The following PCSK9 variants were observed in gnomAD, a reference collection of about 807,000 sequenced individuals.
The protein encoded by PCSK9 is convertase subtilisin/kexin type 9 preproprotein.
In PCSK9, 57 loss-of-function variants were observed where a neutral mutation model predicts 62.1. The ratio of observed to expected loss-of-function variants is 0.92; its 90% CI spans 0.74 to 1.14. PCSK9 has a LOEUF of 1.14. Among genes scored for constraint, PCSK9 ranks in the 50% most tolerant of loss-of-function variants. The pLI, the probability that PCSK9 is intolerant of heterozygous loss-of-function variation, is 0.00. For missense variants in PCSK9, 870 were observed against 959.8 expected, an observed-to-expected ratio of 0.91 and a Z score of 1.24; for synonymous variants, 387 against 409.4, an observed-to-expected ratio of 0.95 and a Z score of 0.66.
At chr1:55,060,997 G>A (rs1054168985) in intron 10 of PCSK9, among the ~76,000 whole-genome samples, 9 of 152,224 alleles carry the variant, frequency 5.9e-5, no homozygotes, top group Non-Finnish European at 1.2e-4. Context: ...TTCTGAGGTG[G>A]TTCAGACAGA....
At chr1:55,055,014 A>G (rs902488115) in intron 5 of PCSK9, among the ~76,000 whole-genome samples, 9 of 152,078 alleles carry the variant, frequency 5.9e-5, no homozygotes, top group East Asian at 1.9e-4. Context: ...GGAAAGAAAA[A>G]AAAAAAAAAG....
At chr1:55,042,103 C>T (rs12032266) in intron 1 of PCSK9, among the ~76,000 whole-genome samples, 60 of 152,166 alleles carry the variant, frequency 3.9e-4, no homozygotes, top group African/African-American at 1.3e-3. Flanking sequence ...CCTGCCACCA[C>T]GCCCGGCTAA....
chr1:55,045,019 G>T (rs1644623729), intron 2 of PCSK9, among the ~76,000 whole-genome samples: 1 of 152,198 alleles, frequency 6.6e-6, no homozygotes, highest in East Asian at 1.9e-4. Context: ...ACTGTGTGCT[G>T]CAGAGGCGAA....
chr1:55,062,271 C>T (rs1355516914), intron 11 of PCSK9, among the ~76,000 whole-genome samples: 3 of 152,244 alleles, frequency 2.0e-5, no homozygotes, highest in Non-Finnish European at 4.4e-5. Context: ...GGAGTCCACT[C>T]TTAAATGAAC....
At chr1:55,051,194 T>C in intron 3 of PCSK9, 1 of 456,240 alleles carries the variant, frequency 2.2e-6, no homozygotes, top group Non-Finnish European at 4.4e-6. Flanking sequence ...CTCTGCAGCA[T>C]ATTTGGAGGA....
chr1:55,058,684 T>C lies in PCSK9; in HGVS notation c.1503+37T>C, dbSNP rs781641312. 3.1e-4 allele frequency: 314 copies of C among 1,024,152 alleles called. 1 individual carries two copies. In the African/African-American group the frequency reaches 5.4e-3, roughly 18 times the overall value. 63.4% of individuals were successfully genotyped at this position (1,024,152 alleles called of 1,614,324 possible). Reference sequence around the variant, plus strand: ...CCTCCTTCGTGTGTGTGTGTGTGTGTGTGTGTGTGTGTGTGTGTGTGTGTG... The same window carrying C: ...CCTCCTTCGTGTGTGTGTGTGTGTGCGTGTGTGTGTGTGTGTGTGTGTGTG... On this transcript the variant is annotated intron_variant, in intron 9 of 11. Coordinates refer to ENST00000302118, the MANE Select transcript of PCSK9 (RefSeq NM_174936.4).
At chr1:55,046,351 C>T (rs924676433) in intron 2 of PCSK9, among the ~76,000 whole-genome samples, 172 bp from the exon 3 acceptor site, 2 of 152,132 alleles carry the variant, frequency 1.3e-5, no homozygotes, top group Admixed American at 6.5e-5. Flanking sequence ...GATCAAGGAG[C>T]GAGAAAACTC....
intron 10 of PCSK9, among the ~76,000 whole-genome samples, chr1:55,061,111 C>G (rs1448990756): frequency 6.6e-6 from 1 of 152,184 alleles, no homozygotes; most frequent in African/African-American, 2.4e-5. Flanking sequence ...GTCTCCATCT[C>G]TGGGTGGAAA....
At position 55,057,476 on chromosome 1, in the gene PCSK9, C is replaced by T; in HGVS notation, c.1142C>T (p.Ser381Leu). The T allele has an allele frequency of 6.2e-7, 1 of 1,613,762 alleles. No individual in the cohort carries two copies. Among genetic ancestry groups the T allele is most frequent in the Admixed American group, 1.7e-5 (1 of 60,014 alleles). The change falls in exon 7 of 12, where the codon TCA becomes TTA. Residue 381 changes from serine (S) to leucine (L), a missense_variant. Transcript: ENST00000302118. ...AGCGACTGCAGCACCTGCTTTGTGT[C>T]ACAGAGTGGGACATCACAGGCTGCT... ...ASSDCSTCFV[S>L]QSGTSQAAAH...
At chr1:55,048,510 G>A (rs773604584) in intron 3 of PCSK9, among the ~76,000 whole-genome samples, 6 of 152,176 alleles carry the variant, frequency 3.9e-5, no homozygotes, top group African/African-American at 7.2e-5. Context: ...TCCCCCGAGT[G>A]TCTGTGGGAG....
chr1:55,057,525 A>T lies in PCSK9; in HGVS notation c.1180+11A>T. 6.2e-7 allele frequency: 1 copy of T among 1,604,860 alleles called. No homozygotes were observed. The highest frequency in any genetic ancestry group is 8.5e-7 in the Non-Finnish European group (1 of 1,176,600). On this transcript the variant is annotated intron_variant, in intron 7 of 11. Transcript: ENST00000302118. ...CTGCCCACGTGGCTGGTAAGTCACC[A>T]CCCCACTGCCTCGGCCACCGTGATG...
In PCSK9 at chr1:55,059,513, G is replaced by C. The variant is rs866944660; in HGVS notation, c.1531G>C (p.Ala511Pro). The change falls in exon 10 of 12, where the codon GCC becomes CCC. Residue 511 changes from alanine (A) to proline (P), a missense_variant. Ala to Pro is a conservative substitution (Grantham distance 27). Coordinates refer to ENST00000302118, the MANE Select transcript of PCSK9 (RefSeq NM_174936.4). The part of the protein sequence containing the change: ...EAQGGKLVCR[A>P]HNAFGGEGVY... ...CCAAGGGGGCAAGCTGGTCTGCCGG[G>C]CCCACAACGCTTTTGGGGGTGAGGG... is the stretch of plus-strand genomic sequence containing the variant. 2 of 1,566,294 alleles carry C rather than the reference G, an allele frequency of 1.3e-6. No individual in the cohort carries two copies. Among genetic ancestry groups the C allele is most frequent in the Admixed American group, 3.8e-5 (2 of 52,380 alleles).
intron 4 of PCSK9, 113 bp downstream of exon 4, chr1:55,052,524 C>T: frequency 1.9e-6 from 3 of 1,603,574 alleles, no homozygotes; most frequent in Non-Finnish European, 1.7e-6. Flanking sequence ...TGCACCCCCC[C>T]CAGCTGTCAC....
chr1:55,053,493 C>A (rs973974031), intron 5 of PCSK9, among the ~76,000 whole-genome samples: 3 of 152,156 alleles, frequency 2.0e-5, no homozygotes, highest in Non-Finnish European at 4.4e-5. Context: ...GAGGTGACTG[C>A]CAGGGTCGCA....
In PCSK9 at chr1:55,061,334, T is replaced by C. The variant is rs376563480; in HGVS notation, c.1682-41T>C. The C allele has an allele frequency of 1.4e-4, 218 of 1,575,472 alleles. 1 individual carries two copies. The African/African-American group carries it at 2.8e-3, about 20-fold the overall frequency. ...GGGGATGGGCACTGGAGACGGAGCATCCCAGCATTTCACATCTGAGCTGGC... is the reference window on the plus strand; with the variant it reads ...GGGGATGGGCACTGGAGACGGAGCACCCCAGCATTTCACATCTGAGCTGGC... On this transcript the variant is annotated intron_variant, in intron 10 of 11. Coordinates refer to ENST00000302118, the MANE Select transcript of PCSK9 (RefSeq NM_174936.4).
At chr1:55,060,940 G>A (rs978127228) in intron 10 of PCSK9, among the ~76,000 whole-genome samples, 2 of 152,142 alleles carry the variant, frequency 1.3e-5, no homozygotes, top group Non-Finnish European at 2.9e-5. Flanking sequence ...ACTATTTTAG[G>A]TTTCTTAGCC....
intron 1 of PCSK9, among the ~76,000 whole-genome samples, chr1:55,041,132 A>G (rs1644595764): frequency 6.6e-6 from 1 of 152,290 alleles, no homozygotes; most frequent in Non-Finnish European, 1.5e-5. Flanking sequence ...AGTTCTGTTG[A>G]CCATGAGTGA....
rs886046435 is a variant in PCSK9 at position 55,063,510 on chromosome 1, G to C, written c.2005G>C (p.Glu669Gln). 1 of 1,613,926 alleles carries C rather than the reference G, an allele frequency of 6.2e-7. No homozygotes were observed. The highest frequency in any genetic ancestry group is 8.5e-7 in the Non-Finnish European group (1 of 1,179,884). ...RDVSTTGSTS[E>Q]GAVTAVAICC... is the part of the protein sequence containing the mutation. ...CGTCAGCACTACAGGCAGCACCAGC[G>C]AAGGGGCCGTGACAGCCGTTGCCAT... The change falls in exon 12 of 12, where the codon GAA becomes CAA. Residue 669 changes from glutamate (E) to glutamine (Q), a missense_variant. By Grantham distance (29) the Glu-to-Gln change is conservative (BLOSUM62 2). Transcript: ENST00000302118.
intron 9 of PCSK9, among the ~76,000 whole-genome samples, chr1:55,059,078 C>A (rs1218173558): frequency 6.6e-6 from 1 of 152,218 alleles, no homozygotes; most frequent in Non-Finnish European, 1.5e-5. Context: ...CAGGATAGTG[C>A]ACAGATGCCA....
Sources: gnomAD v4.1 joint callset for allele counts (sites outside exome capture counted in the v4.1 genomes callset) on GRCh38, gnomAD v4.1.1 for gene constraint, MANE v1.5 for transcripts, NCBI Gene and HGNC (gene_info 2026-07-23, HGNC 2026-07-21) for gene names.